CACNA2D1: variants seen among roughly 807,000 people sequenced by gnomAD.
CACNA2D1 encodes the protein calcium voltage-gated channel auxiliary subunit alpha2delta 1, also known as voltage-dependent calcium channel subunit alpha-2/delta-1.
Under a neutral mutation model 171.5 loss-of-function variants are expected in CACNA2D1, and 53 were observed. That is an observed-to-expected ratio of 0.31 (90% CI 0.25 to 0.39). The LOEUF (loss-of-function observed/expected upper bound fraction) is 0.39. Among genes scored for constraint, CACNA2D1 ranks in the 10% least tolerant of loss-of-function variants. The pLI is 1.00. For missense variants in CACNA2D1, 903 were observed against 1,299.8 expected (o/e 0.69, Z 4.69); for synonymous variants, 442 against 443.1 (o/e 1.00, Z 0.03).
At chr7:82,361,272 C>T (rs975538171) in intron 1 of CACNA2D1, among the ~76,000 whole-genome samples, 1 of 152,102 alleles carries the variant, frequency 6.6e-6, no homozygotes, top group Non-Finnish European at 1.5e-5. Context: ...ACCTAAACTA[C>T]GTTTTTTACC....
chr7:82,128,625 T>A (rs561640664), intron 5 of CACNA2D1, among the ~76,000 whole-genome samples: 22 of 152,296 alleles, frequency 1.4e-4, no homozygotes, highest in African/African-American at 4.8e-4. Flanking sequence ...TACACTCGAA[T>A]GTATCCTTCT....
At chr7:82,202,591 T>G (rs1799564874) in intron 3 of CACNA2D1, among the ~76,000 whole-genome samples, 1 of 152,142 alleles carries the variant, frequency 6.6e-6, no homozygotes, top group Non-Finnish European at 1.5e-5. Context: ...GAGTTGGATG[T>G]GCATTTTTGA....
intron 1 of CACNA2D1, among the ~76,000 whole-genome samples, chr7:82,351,402 G>A (rs764201353): frequency 1.3e-5 from 2 of 151,536 alleles, no homozygotes; most frequent in Non-Finnish European, 2.9e-5. Flanking sequence ...ATAAGAGAAA[G>A]AAAAAAATGG....
chr7:82,411,317 T>A (rs963643866), intron 1 of CACNA2D1, among the ~76,000 whole-genome samples: 4 of 152,216 alleles, frequency 2.6e-5, no homozygotes, highest in Non-Finnish European at 4.4e-5. Context: ...ACTGTCTATA[T>A]AGTCCAGAAC....
chr7:82,423,283 T>C (rs1563532285), intron 1 of CACNA2D1, among the ~76,000 whole-genome samples: 2 of 152,178 alleles, frequency 1.3e-5, no homozygotes, highest in Non-Finnish European at 2.9e-5. Context: ...TTAATGTTTT[T>C]ATCTTCATTC....
intron 5 of CACNA2D1, among the ~76,000 whole-genome samples, chr7:82,123,841 TTATTC>T (rs1311719876): frequency 6.6e-6 from 1 of 152,182 alleles, no homozygotes; most frequent in African/African-American, 2.4e-5. Flanking sequence ...TTATACATAC[TTATTC>T]TATACTAGGT....
chr7:82,403,746 G>A (rs1007549026), intron 1 of CACNA2D1, among the ~76,000 whole-genome samples: 1 of 152,166 alleles, frequency 6.6e-6, no homozygotes, highest in Non-Finnish European at 1.5e-5. Context: ...GGGGAAGACC[G>A]GAATTAATGC....
intron 1 of CACNA2D1, among the ~76,000 whole-genome samples, chr7:82,351,795 A>C (rs1819875953): frequency 6.6e-6 from 1 of 152,130 alleles, no homozygotes; most frequent in Non-Finnish European, 1.5e-5. Flanking sequence ...GTAGGAGCAA[A>C]AACCATTGAT....
chr7:82,429,010 C>T (rs1829441355), intron 1 of CACNA2D1, among the ~76,000 whole-genome samples: 1 of 152,138 alleles, frequency 6.6e-6, no homozygotes. Flanking sequence ...AGAGTAGGAT[C>T]ACAGGATTCC....
At chr7:82,310,028 ACT>A (rs1427096502) in intron 3 of CACNA2D1, among the ~76,000 whole-genome samples, 6 of 152,124 alleles carry the variant, frequency 3.9e-5, no homozygotes, top group African/African-American at 1.4e-4. Context: ...ATTAAATATA[ACT>A]CTAAATTTAT....
intron 3 of CACNA2D1, among the ~76,000 whole-genome samples, chr7:82,210,939 GA>G (rs1800483009): frequency 1.3e-5 from 2 of 152,192 alleles, no homozygotes; most frequent in South Asian, 2.1e-4. Flanking sequence ...ATATGCAGTA[GA>G]AAAAAATACC....
intron 3 of CACNA2D1, among the ~76,000 whole-genome samples, chr7:82,206,119 T>C (rs1360845357): frequency 3.9e-5 from 6 of 152,016 alleles, no homozygotes; most frequent in African/African-American, 1.4e-4. Flanking sequence ...TGAATGTAAA[T>C]GTTTTGAGTT....
At chr7:82,089,994 A>C (rs1007218541) in intron 6 of CACNA2D1, among the ~76,000 whole-genome samples, 1 of 152,190 alleles carries the variant, frequency 6.6e-6, no homozygotes, top group African/African-American at 2.4e-5. Context: ...CAGCTTTGAG[A>C]TGTCATTGAC....
intron 5 of CACNA2D1, among the ~76,000 whole-genome samples, chr7:82,134,888 A>T (rs1791425037): frequency 6.6e-6 from 1 of 152,122 alleles, no homozygotes; most frequent in Non-Finnish European, 1.5e-5. Flanking sequence ...ATATGCTCAA[A>T]TGGGCAACTT....
intron 13 of CACNA2D1, 136 bp downstream of exon 13, chr7:82,014,265 C>A: frequency 1.6e-6 from 1 of 626,940 alleles, no homozygotes. Context: ...TCTATAAAAA[C>A]ATGTTCAGAA....
At position 81,950,523 on chromosome 7, in the gene CACNA2D1, AAAAG is replaced by A. The variant is rs548221134; in HGVS notation, c.3160-19_3160-16del. On this transcript the variant is annotated splice_polypyrimidine_tract_variant and intron_variant, in intron 38 of 38. Transcript: ENST00000356860. ...GTATAATCCTCCTGTTGTTAAAAAA[AAAAG>A]AAAAGAACAGAAAAAGAAAAATCTA... 8.0e-4 allele frequency: 1,280 copies of A among 1,601,880 alleles called. 4 individuals are homozygous for A. Among genetic ancestry groups the A allele is most frequent in the East Asian group, 2.8e-3 (123 of 44,718 alleles).
At chr7:82,032,265 T>C (rs1471280632) in intron 12 of CACNA2D1, among the ~76,000 whole-genome samples, 1 of 151,936 alleles carries the variant, frequency 6.6e-6, no homozygotes, top group Non-Finnish European at 1.5e-5. Context: ...TTTTAATACA[T>C]TATACCTATA....
chr7:82,244,334 G>A (rs1421890180), intron 3 of CACNA2D1, among the ~76,000 whole-genome samples: 2 of 152,056 alleles, frequency 1.3e-5, no homozygotes, highest in Non-Finnish European at 2.9e-5. Context: ...TATCAAGGGC[G>A]TTTCTATAAT....
chr7:82,309,451 A>T (rs1023386533), intron 3 of CACNA2D1, among the ~76,000 whole-genome samples: 3 of 152,118 alleles, frequency 2.0e-5, no homozygotes, highest in Non-Finnish European at 4.4e-5. Flanking sequence ...TCAGAACTAT[A>T]CTAAATATAA....
Sources: gnomAD v4.1 joint callset for allele counts (sites outside exome capture counted in the v4.1 genomes callset) on GRCh38, gnomAD v4.1.1 for gene constraint, MANE v1.5 for transcripts, NCBI Gene and HGNC (gene_info 2026-07-23, HGNC 2026-07-21) for gene names.